KCNH8: variants seen among roughly 807,000 people sequenced by gnomAD.
The protein encoded by KCNH8 is voltage-gated delayed rectifier potassium channel KCNH8.
KCNH8 carries 70 observed loss-of-function variants against 103.6 expected under a neutral mutation model. The observed-to-expected ratio is 0.68, with a 90% CI of 0.56 to 0.82. The LOEUF is 0.82. Ranked by LOEUF, KCNH8 falls within the 40% of genes least tolerant of loss-of-function variation. KCNH8 has a pLI of 0.00. For missense variants in KCNH8, 1,217 were observed against 1,329.9 expected, an observed-to-expected ratio of 0.92 and a Z score of 1.32; for synonymous variants, 498 against 489.4, an observed-to-expected ratio of 1.02 and a Z score of -0.23.
intron 15 of KCNH8, among the ~76,000 whole-genome samples, chr3:19,525,310 G>A (rs2069045854): frequency 6.6e-6 from 1 of 151,910 alleles, no homozygotes; most frequent in South Asian, 2.1e-4. Context: ...GAGCTTATTA[G>A]AAATGCAGAA....
intron 3 of KCNH8, among the ~76,000 whole-genome samples, chr3:19,289,119 G>T (rs1373715927): frequency 6.6e-6 from 1 of 152,012 alleles, no homozygotes; most frequent in South Asian, 2.1e-4. Flanking sequence ...GTAGATTCTG[G>T]ATATTAGCCC....
chr3:19,528,259 A>G (rs183324682), intron 15 of KCNH8, among the ~76,000 whole-genome samples: 2 of 152,250 alleles, frequency 1.3e-5, no homozygotes, highest in Non-Finnish European at 2.9e-5. Context: ...AATGTTAGCC[A>G]AATTTCAGTT....
chr3:19,394,994 A>C, intron 6 of KCNH8, 110 bp from the exon 7 acceptor site: 1 of 764,132 alleles, frequency 1.3e-6, no homozygotes, highest in Middle Eastern at 3.7e-4. Context: ...AAATAATAAT[A>C]TGAAAATAAT....
intron 8 of KCNH8, chr3:19,449,021 AAATCCT>A: frequency 2.4e-6 from 3 of 1,233,064 alleles, no homozygotes; most frequent in East Asian, 1.1e-4. Flanking sequence ...AGTGAGTGCA[AAATCCT>A]GTCATACCTT....
intron 1 of KCNH8, among the ~76,000 whole-genome samples, chr3:19,251,593 A>G (rs1300066390): frequency 6.6e-6 from 1 of 152,134 alleles, no homozygotes; most frequent in African/African-American, 2.4e-5. Context: ...AACACATGGA[A>G]TAGATTTTCA....
intron 8 of KCNH8, among the ~76,000 whole-genome samples, chr3:19,448,538 G>A (rs1559332195): frequency 6.6e-6 from 1 of 151,966 alleles, no homozygotes; most frequent in Non-Finnish European, 1.5e-5. Context: ...AAGTTAGTAT[G>A]CCAGTGTTTG....
chr3:19,514,535 C>A (rs2068840835), intron 13 of KCNH8, among the ~76,000 whole-genome samples: 1 of 151,318 alleles, frequency 6.6e-6, no homozygotes, highest in Non-Finnish European at 1.5e-5. Flanking sequence ...GGACATACAT[C>A]AAAATCTTGA....
In KCNH8 at chr3:19,311,817, G is replaced by A. The variant is rs141575492; in HGVS notation, c.442+30488G>A. 4.7e-3 allele frequency among the ~76,000 whole-genome samples: 717 copies of A among 152,014 alleles called. 6 individuals are homozygous for A. Among genetic ancestry groups the A allele is most frequent in the African/African-American group, 0.016 (663 of 41,508 alleles). ...TACTGTTGACTACATTTGAAACTGA[G>A]ATGATGCACATCCTTGGAGCCTTTC... On this transcript the variant is annotated intron_variant, in intron 3 of 15. Transcript: ENST00000328405.
At chr3:19,411,776 GACAC>G (rs148081857) in intron 7 of KCNH8, among the ~76,000 whole-genome samples, 1 of 146,244 alleles carries the variant, frequency 6.8e-6, no homozygotes, top group Admixed American at 6.8e-5. Context: ...CACACACACA[GACAC>G]ACACACACAC....
intron 4 of KCNH8, among the ~76,000 whole-genome samples, chr3:19,346,204 A>C (rs1296175362): frequency 6.6e-6 from 1 of 152,194 alleles, no homozygotes; most frequent in Non-Finnish European, 1.5e-5. Context: ...TGAGAAGATT[A>C]ATGGTTATAG....
chr3:19,486,640 G>C (rs2068216829), intron 11 of KCNH8, among the ~76,000 whole-genome samples: 1 of 152,104 alleles, frequency 6.6e-6, no homozygotes, highest in East Asian at 1.9e-4. Context: ...GGTAGTCCTA[G>C]GGCACAGGCC....
At chr3:19,351,909 G>A (rs889313952) in intron 5 of KCNH8, among the ~76,000 whole-genome samples, 4 of 152,072 alleles carry the variant, frequency 2.6e-5, no homozygotes, top group Admixed American at 6.6e-5. Context: ...ATGTAAATGG[G>A]CTAAATGCTC....
intron 2 of KCNH8, among the ~76,000 whole-genome samples, chr3:19,256,219 T>G (rs1263830559): frequency 6.6e-6 from 1 of 152,100 alleles, no homozygotes; most frequent in African/African-American, 2.4e-5. Context: ...CATCCCCTTT[T>G]GTAAGTTATT....
At chr3:19,412,569 C>CAAAAGAAACTACCAACAGAATAA (rs1168239403) in intron 7 of KCNH8, among the ~76,000 whole-genome samples, 1 of 151,826 alleles carries the variant, frequency 6.6e-6, no homozygotes, top group African/African-American at 2.4e-5. Context: ...TTCTGCACAG[C>CAAAAGAAACTACCAACAGAATAA]AAAAGAAACT....
At chr3:19,325,950 A>G (rs538846023) in intron 3 of KCNH8, among the ~76,000 whole-genome samples, 2 of 152,210 alleles carry the variant, frequency 1.3e-5, no homozygotes, top group East Asian at 1.9e-4. Flanking sequence ...ATGTCCATCA[A>G]TGATAGAATG....
At chr3:19,314,186 ATAATT>A (rs2065243577) in intron 3 of KCNH8, among the ~76,000 whole-genome samples, 2 of 151,906 alleles carry the variant, frequency 1.3e-5, no homozygotes, top group Non-Finnish European at 2.9e-5. Flanking sequence ...TGTTTGTTCT[ATAATT>A]TAAGTTTAGA....
chr3:19,513,410 T>C, intron 13 of KCNH8, 85 bp downstream of exon 13: 2 of 1,480,450 alleles, frequency 1.4e-6, no homozygotes, highest in Non-Finnish European at 1.8e-6. Flanking sequence ...CTTCTGAGCC[T>C]TTCTACTCCA....
chr3:19,458,845 T>C (rs2067575637), intron 11 of KCNH8, among the ~76,000 whole-genome samples: 1 of 152,018 alleles, frequency 6.6e-6, no homozygotes. Context: ...TGAGATCATG[T>C]AGTATTTGTC....
At chr3:19,444,964 A>G (rs1397749698) in intron 8 of KCNH8, among the ~76,000 whole-genome samples, 1 of 151,994 alleles carries the variant, frequency 6.6e-6, no homozygotes, top group Admixed American at 6.6e-5. Context: ...CTGTGATTCA[A>G]CAATTCCACT....
Sources: allele counts gnomAD v4.1 joint callset (sites outside exome capture counted in the v4.1 genomes callset), GRCh38; gene constraint gnomAD v4.1.1; transcripts MANE v1.5; gene names NCBI Gene and HGNC (gene_info 2026-07-23, HGNC 2026-07-21).